RAD51B: variants seen among roughly 807,000 people sequenced by gnomAD.
RAD51B encodes the protein DNA repair protein RAD51 homolog 2.
RAD51B carries 38 observed loss-of-function variants against 42.2 expected under a neutral mutation model. That is an observed-to-expected ratio of 0.90 (90% CI 0.70 to 1.18). RAD51B has a LOEUF of 1.18. Among genes scored for constraint, RAD51B ranks in the 50% most tolerant of loss-of-function variants. RAD51B has a pLI of 0.00. For synonymous variants in RAD51B, 154 were observed against 145.2 expected (o/e 1.06, Z -0.43); for missense variants, 373 against 400.7 (o/e 0.93, Z 0.59).
chr14:68,199,545 GA>G (rs1243194407), intron 7 of RAD51B, among the ~76,000 whole-genome samples: 2 of 152,148 alleles, frequency 1.3e-5, no homozygotes, highest in Non-Finnish European at 2.9e-5. Flanking sequence ...CTTGACAAAA[GA>G]AAAAACTCAG....
chr14:68,593,777 T>C (rs1043955093), intron 10 of RAD51B, among the ~76,000 whole-genome samples: 1 of 152,184 alleles, frequency 6.6e-6, no homozygotes, highest in African/African-American at 2.4e-5. Context: ...TATTGGTCTA[T>C]TCCCAGCATT....
At chr14:68,072,071 A>ATT (rs1566622900) in intron 7 of RAD51B, among the ~76,000 whole-genome samples, 1 of 87,820 alleles carries the variant, frequency 1.1e-5, no homozygotes. Context: ...ATTTATATAA[A>ATT]TATATAAATA....
intron 8 of RAD51B, among the ~76,000 whole-genome samples, chr14:68,299,932 T>C (rs1164955438): frequency 2.0e-5 from 3 of 152,222 alleles, no homozygotes; most frequent in Non-Finnish European, 2.9e-5. Context: ...ACCCATTTTA[T>C]CTTTCACACC....
At chr14:67,919,691 A>G (rs1408671583) in intron 7 of RAD51B, among the ~76,000 whole-genome samples, 1 of 152,200 alleles carries the variant, frequency 6.6e-6, no homozygotes, top group Non-Finnish European at 1.5e-5. Flanking sequence ...TGCACCGTAC[A>G]CGTTAATAAA....
At chr14:67,984,125 G>A (rs1327111281) in intron 7 of RAD51B, among the ~76,000 whole-genome samples, 1 of 152,042 alleles carries the variant, frequency 6.6e-6, no homozygotes, top group Non-Finnish European at 1.5e-5. Flanking sequence ...TGTTAGTAGA[G>A]ACAGGGTTTC....
At chr14:68,639,664 A>C (rs1366763090) in intron 10 of RAD51B, among the ~76,000 whole-genome samples, 2 of 152,222 alleles carry the variant, frequency 1.3e-5, no homozygotes, top group African/African-American at 4.8e-5. Context: ...AGAGAGAAAA[A>C]GACAGCACTG....
intron 7 of RAD51B, among the ~76,000 whole-genome samples, chr14:68,103,468 A>G (rs2077325426): frequency 6.6e-6 from 1 of 152,238 alleles, no homozygotes; most frequent in African/African-American, 2.4e-5. Context: ...GGCAACCAGA[A>G]GGTGAGGAAC....
intron 6 of RAD51B, 124 bp downstream of exon 6, chr14:67,886,112 G>T (rs1390418934): frequency 2.6e-5 from 20 of 769,294 alleles, no homozygotes; most frequent in Non-Finnish European, 3.4e-5. Context: ...AACTTTTTCA[G>T]TGTTCTTCTT....
chr14:68,128,473 T>A (rs1186081504), intron 7 of RAD51B, among the ~76,000 whole-genome samples: 1 of 152,144 alleles, frequency 6.6e-6, no homozygotes, highest in Non-Finnish European at 1.5e-5. Context: ...GATGGATCAC[T>A]TGAGGTCAGG....
At chr14:68,467,866 G>A (rs1400807520) in intron 9 of RAD51B, among the ~76,000 whole-genome samples, 1 of 152,116 alleles carries the variant, frequency 6.6e-6, no homozygotes, top group African/African-American at 2.4e-5. Context: ...GTTTATTTTT[G>A]GGCAGAAAGG....
At chr14:68,301,572 G>A (rs1390842579) in intron 8 of RAD51B, among the ~76,000 whole-genome samples, 1 of 147,398 alleles carries the variant, frequency 6.8e-6, no homozygotes, top group Non-Finnish European at 1.5e-5. Context: ...TAGAATGTGA[G>A]GTTTTTTTTT....
At chr14:68,061,105 A>T (rs1477806568) in intron 7 of RAD51B, among the ~76,000 whole-genome samples, 1 of 124,734 alleles carries the variant, frequency 8.0e-6, no homozygotes, top group East Asian at 2.3e-4. Flanking sequence ...GTCTTGCCGT[A>T]TCACCCAGGC....
At chr14:67,987,468 T>C (rs1376578751) in intron 7 of RAD51B, among the ~76,000 whole-genome samples, 2 of 152,320 alleles carry the variant, frequency 1.3e-5, no homozygotes, top group Admixed American at 1.3e-4. Context: ...AAAAGATACA[T>C]TGTAGCCTTT....
chr14:68,416,226 T>C (rs187203529), intron 9 of RAD51B, among the ~76,000 whole-genome samples: 133 of 152,346 alleles, frequency 8.7e-4, no homozygotes, highest in Admixed American at 1.9e-3. Flanking sequence ...ATGTTTCCTT[T>C]CTGGTGATAG....
intron 7 of RAD51B, among the ~76,000 whole-genome samples, chr14:68,159,621 A>G (rs75831236): frequency 1.4e-5 from 2 of 143,734 alleles, no homozygotes; most frequent in Non-Finnish European, 3.0e-5. Flanking sequence ...CTCCATCTCA[A>G]AAAAAAAAAA....
At chr14:68,224,147 TC>T (rs1435209846) in intron 7 of RAD51B, among the ~76,000 whole-genome samples, 2 of 152,216 alleles carry the variant, frequency 1.3e-5, no homozygotes, top group Non-Finnish European at 2.9e-5. Context: ...GACTTTGTTT[TC>T]CGGATCTTTT....
rs373318524 is a variant in RAD51B, at chr14:68,353,962, G to A, written c.854-57462G>A. Among the ~76,000 whole-genome samples, 5 of 152,240 alleles carry A rather than the reference G, an allele frequency of 3.3e-5. No individual in the cohort carries two copies. In the East Asian group the frequency reaches 5.8e-4, roughly 18 times the overall value. On this transcript the variant is annotated intron_variant, in intron 8 of 10. Coordinates refer to ENST00000471583, the MANE Select transcript of RAD51B (RefSeq NM_133510.4). ...GGTTGTGCCTAAGTCACATGTATAC[G>A]TTCCACCTGTGATGTTAGGCAAGCA...
intron 7 of RAD51B, among the ~76,000 whole-genome samples, chr14:67,969,902 A>C (rs2074863099): frequency 6.6e-6 from 1 of 152,202 alleles, no homozygotes; most frequent in Non-Finnish European, 1.5e-5. Flanking sequence ...AAACTAAGAA[A>C]CGTGGACTGA....
Position 68,061,993 on chromosome 14 carries a change from A to G in RAD51B, c.756+174789A>G, listed in dbSNP as rs370113646. ...TTGTTCTGGTTCTTAGAGGGAGAAC[A>G]TTCAACTTTTTCACCATAAGGTATG... is the stretch of plus-strand genomic sequence containing the variant. On this transcript the variant is annotated intron_variant, in intron 7 of 10. Transcript: ENST00000471583. 5.9e-5 allele frequency among the ~76,000 whole-genome samples: 9 copies of G among 152,328 alleles called. 1 individual carries two copies. The highest frequency in any genetic ancestry group is 2.2e-4 in the African/African-American group (9 of 41,576).
Sources: allele counts gnomAD v4.1 joint callset (sites outside exome capture counted in the v4.1 genomes callset), GRCh38; gene constraint gnomAD v4.1.1; transcripts MANE v1.5; gene names NCBI Gene and HGNC (gene_info 2026-07-23, HGNC 2026-07-21).